The following MICU1 variants were observed in gnomAD, a reference collection of about 807,000 sequenced individuals.
MICU1 encodes mitochondrial calcium uptake 1, also known as calcium uptake protein 1, mitochondrial.
A neutral mutation model predicts 56.8 loss-of-function variants in MICU1; 45 were observed. That is an observed-to-expected ratio of 0.79 (90% CI 0.62 to 1.02). MICU1 has a LOEUF of 1.02. Among genes scored for constraint, MICU1 ranks in the 50% least tolerant of loss-of-function variants. MICU1 has a pLI of 0.00. For missense variants in MICU1, 504 were observed against 587.1 expected, an observed-to-expected ratio of 0.86 and a Z score of 1.46; for synonymous variants, 186 against 195.1, an observed-to-expected ratio of 0.95 and a Z score of 0.39.
chr10:72,383,620 T>C (rs951523243), intron 10 of MICU1, among the ~76,000 whole-genome samples: 1 of 152,218 alleles, frequency 6.6e-6, no homozygotes, highest in African/African-American at 2.4e-5. Flanking sequence ...TTTATTCTTA[T>C]CTCAATCTTG....
intron 1 of MICU1, among the ~76,000 whole-genome samples, chr10:72,622,380 A>T (rs533071044): frequency 6.6e-6 from 1 of 152,142 alleles, no homozygotes; most frequent in Non-Finnish European, 1.5e-5. Flanking sequence ...AAATGGTTTC[A>T]AACTATATTC....
intron 6 of MICU1, among the ~76,000 whole-genome samples, chr10:72,501,011 CTTACT>C (rs764635278): frequency 5.3e-5 from 8 of 152,102 alleles, no homozygotes; most frequent in Non-Finnish European, 7.4e-5. Flanking sequence ...TTCTTATTAA[CTTACT>C]TTAAGAATCA....
chr10:72,583,282 ATTT>A (rs71021510), intron 1 of MICU1, among the ~76,000 whole-genome samples: 14 of 141,164 alleles, frequency 9.9e-5, no homozygotes, highest in Non-Finnish European at 1.4e-4. Context: ...GGCTGAATGC[ATTT>A]TTTTTTTTTT....
intron 1 of MICU1, among the ~76,000 whole-genome samples, chr10:72,594,143 T>C (rs772190195): frequency 6.6e-6 from 1 of 152,106 alleles, no homozygotes; most frequent in Admixed American, 6.5e-5. Flanking sequence ...TCCAAAACAG[T>C]GTAGTACTAG....
chr10:72,591,884 G>A (rs1162886396), intron 1 of MICU1, among the ~76,000 whole-genome samples: 4 of 151,868 alleles, frequency 2.6e-5, no homozygotes, highest in Admixed American at 6.6e-5. Context: ...TGGTGTGTGC[G>A]CCTGGAATCT....
intron 4 of MICU1, among the ~76,000 whole-genome samples, chr10:72,548,757 C>T (rs1839957388): frequency 6.6e-6 from 1 of 152,174 alleles, no homozygotes; most frequent in Non-Finnish European, 1.5e-5. Context: ...AGTGCAGTGG[C>T]ACAATCTTGG....
chr10:72,533,192 T>C (rs1839538892), intron 5 of MICU1: 1 of 1,198,192 alleles, frequency 8.3e-7, no homozygotes, highest in African/African-American at 1.6e-5. Flanking sequence ...TTGACTGCTT[T>C]ATGAGACAAT....
chr10:72,372,056 G>GA (rs57403485), intron 11 of MICU1, among the ~76,000 whole-genome samples: 256 of 124,540 alleles, frequency 2.1e-3, no homozygotes, highest in East Asian at 4.6e-3. Context: ...ATGCTGTCTC[G>GA]AAAAAAAAAA....
chr10:72,392,089 G>T (rs774609119), intron 10 of MICU1: 2 of 152,114 alleles, frequency 1.3e-5, no homozygotes, highest in Admixed American at 6.6e-5. Context: ...TAAAAATAAA[G>T]AAATAAAGTA....
intron 1 of MICU1, among the ~76,000 whole-genome samples, chr10:72,568,256 T>C (rs1840496274): frequency 6.6e-6 from 1 of 152,228 alleles, no homozygotes; most frequent in South Asian, 2.1e-4. Context: ...ATCTGAAACA[T>C]CTGTATTAGT....
chr10:72,500,480 C>A (rs906728263), intron 6 of MICU1, among the ~76,000 whole-genome samples: 1 of 150,924 alleles, frequency 6.6e-6, no homozygotes, highest in Non-Finnish European at 1.5e-5. Flanking sequence ...CACCACCATA[C>A]CCAGGTAATT....
At chr10:72,518,729 C>G (rs1325742783) in intron 5 of MICU1, among the ~76,000 whole-genome samples, 2 of 152,122 alleles carry the variant, frequency 1.3e-5, no homozygotes, top group Admixed American at 1.3e-4. Flanking sequence ...GTTGCCCAGG[C>G]TGAAGTGCAG....
intron 8 of MICU1, among the ~76,000 whole-genome samples, chr10:72,440,565 A>C (rs544655840): frequency 9.8e-5 from 15 of 152,320 alleles, no homozygotes; most frequent in South Asian, 6.2e-4. Context: ...TAATTAAACT[A>C]AAGAGCTTCT....
At chr10:72,606,598 AAT>A (rs544479058) in intron 1 of MICU1, among the ~76,000 whole-genome samples, 21 of 150,070 alleles carry the variant, frequency 1.4e-4, no homozygotes, top group East Asian at 1.9e-4. Context: ...TATAATAAGA[AAT>A]ATATATATAT....
rs542492816 is a variant in MICU1 at position 72,512,243 on chromosome 10, C to T, written c.538-3974G>A. Among the ~76,000 whole-genome samples the T allele has an allele frequency of 1.7e-3, 250 of 150,978 alleles. 1 individual carries two copies. Among genetic ancestry groups the T allele is most frequent in the African/African-American group, 5.7e-3 (233 of 41,126 alleles). Reference sequence around the variant, plus strand: ...TCCCCTGCCTCAGCCTCCCAAGTAGCGGGATTACAGGTGCCCGCCACCACG... The same window carrying T: ...TCCCCTGCCTCAGCCTCCCAAGTAGTGGGATTACAGGTGCCCGCCACCACG... On this transcript the variant is annotated intron_variant, in intron 5 of 11. Coordinates refer to ENST00000361114, the MANE Select transcript of MICU1 (RefSeq NM_001195518.2).
intron 1 of MICU1, among the ~76,000 whole-genome samples, chr10:72,571,402 C>T (rs542661790): frequency 6.6e-6 from 1 of 152,006 alleles, no homozygotes; most frequent in Non-Finnish European, 1.5e-5. Flanking sequence ...GGTATATAAG[C>T]CTGGAAGATA....
intron 1 of MICU1, among the ~76,000 whole-genome samples, chr10:72,575,581 C>T (rs559015724): frequency 9.9e-5 from 15 of 152,164 alleles, no homozygotes; most frequent in Non-Finnish European, 2.1e-4. Context: ...CTTTGTGTTT[C>T]TGTGTCACAT....
At chr10:72,402,875 A>G (rs767813395) in intron 10 of MICU1, among the ~76,000 whole-genome samples, 30 of 151,842 alleles carry the variant, frequency 2.0e-4, no homozygotes, top group Admixed American at 8.5e-4. Flanking sequence ...TGGTGAAACT[A>G]TCTATAAAAA....
chr10:72,531,289 G>C (rs1189883442), intron 5 of MICU1, among the ~76,000 whole-genome samples: 1 of 152,014 alleles, frequency 6.6e-6, no homozygotes, highest in Non-Finnish European at 1.5e-5. Context: ...TACATTTCTG[G>C]CTATAATGCA....
Sources: gnomAD v4.1 joint callset for allele counts (sites outside exome capture counted in the v4.1 genomes callset) on GRCh38, gnomAD v4.1.1 for gene constraint, MANE v1.5 for transcripts, NCBI Gene and HGNC (gene_info 2026-07-23, HGNC 2026-07-21) for gene names.